ANKRD36B: variants seen among roughly 807,000 people sequenced by gnomAD.
The protein encoded by ANKRD36B is ankyrin repeat domain 36B, also known as ankyrin repeat domain-containing protein 36B.
ANKRD36B carries 37 observed loss-of-function variants against 135.7 expected under a neutral mutation model. The ratio of observed to expected loss-of-function variants is 0.27; its 90% CI spans 0.21 to 0.36. The LOEUF (loss-of-function observed/expected upper bound fraction) is 0.36. ANKRD36B is among the 10% of genes least tolerant of loss of function. The pLI is 1.00. For synonymous variants in ANKRD36B, 179 were observed against 348.1 expected (o/e 0.51, Z 5.41); for missense variants, 549 against 1,037.1 (o/e 0.53, Z 6.46).
chr2:97,559,838 C>T (rs137979803), intron 8 of ANKRD36B, among the ~76,000 whole-genome samples: 10 of 151,958 alleles, frequency 6.6e-5, no homozygotes, highest in East Asian at 5.8e-4. Context: ...AATAGCCTTG[C>T]TGGGAGTATC....
At chr2:97,581,405 C>G (rs1301522945) in intron 3 of ANKRD36B, among the ~76,000 whole-genome samples, 1 of 151,612 alleles carries the variant, frequency 6.6e-6, no homozygotes, top group Non-Finnish European at 1.5e-5. Context: ...TGAAGCCTAT[C>G]TCTTTTTAAT....
In ANKRD36B at chr2:97,551,264, C is replaced by T. The variant is rs1442839989; in HGVS notation, c.1375+25G>A. ...AACTTCTTATCTGGACTGAACATGA[C>T]ATTAAATGTGTTTCGCAAAATTACC... On this transcript the variant is annotated intron_variant, in intron 18 of 43. Coordinates refer to ENST00000359901, the MANE Select transcript of ANKRD36B (RefSeq NM_001393939.1). 5.2e-6 allele frequency: 8 copies of T among 1,542,860 alleles called. No individual in the cohort carries two copies. The African/African-American group carries it at 6.8e-5, about 13-fold the overall frequency.
chr2:97,570,558 C>A (rs1356325189), intron 6 of ANKRD36B, among the ~76,000 whole-genome samples: 1 of 152,122 alleles, frequency 6.6e-6, no homozygotes, highest in Non-Finnish European at 1.5e-5. Context: ...TAACTAGCTT[C>A]CATAAGAACC....
At chr2:97,542,796 GCAT>G (rs1221776699) in intron 26 of ANKRD36B, among the ~76,000 whole-genome samples, 2 of 124,576 alleles carry the variant, frequency 1.6e-5, no homozygotes, top group Middle Eastern at 7.2e-3. Flanking sequence ...TCAATAAAAA[GCAT>G]CATCAATTAT....
intron 6 of ANKRD36B, among the ~76,000 whole-genome samples, chr2:97,573,614 C>T (rs1036450363): frequency 2.6e-5 from 4 of 152,242 alleles, no homozygotes; most frequent in South Asian, 2.1e-4. Flanking sequence ...AAGCTGGAGG[C>T]ATCACGCTAC....
In ANKRD36B at chr2:97,547,807, C is replaced by T. The variant is rs1279249862; in HGVS notation, c.1478-76G>A. On this transcript the variant is annotated intron_variant, in intron 20 of 43. Coordinates refer to ENST00000359901, the MANE Select transcript of ANKRD36B (RefSeq NM_001393939.1). ...TATCCACACATTCACGCAGTGTTAG[C>T]ATCAACCTCTGTCTTCCTGCCTGTA... 6 of 1,520,392 alleles carry T rather than the reference C, an allele frequency of 3.9e-6. No individual in the cohort carries two copies. The African/African-American group carries it at 5.5e-5, about 14-fold the overall frequency. 94.2% of individuals were successfully genotyped at this position (1,520,392 alleles called of 1,614,324 possible). A position where few individuals can be genotyped will look rare whatever the true frequency, so the allele number is the denominator to read the frequency against.
At chr2:97,559,138 T>C in intron 8 of ANKRD36B, 144 bp from the exon 9 acceptor site, 1 of 1,063,928 alleles carries the variant, frequency 9.4e-7, no homozygotes, top group Non-Finnish European at 1.3e-6. Flanking sequence ...GTCTGGAGAC[T>C]GGAACATGAC....
At chr2:97,579,824 T>C (rs1465215950) in intron 4 of ANKRD36B, among the ~76,000 whole-genome samples, 15 of 151,920 alleles carry the variant, frequency 9.9e-5, no homozygotes, top group African/African-American at 3.6e-4. Context: ...CATTCTAACA[T>C]TATATATATA....
At position 97,540,301 on chromosome 2, in the gene ANKRD36B, T is replaced by G. The variant is rs1487608133; in HGVS notation, c.1886-72A>C. 1.5e-5 allele frequency: 13 copies of G among 874,746 alleles called. 4 individuals are homozygous for G. In the South Asian group the frequency reaches 1.6e-4, roughly 11 times the overall value. 54.2% of individuals were successfully genotyped at this position (874,746 alleles called of 1,614,324 possible). A position where few individuals can be genotyped will look rare whatever the true frequency, so the allele number is the denominator to read the frequency against. On this transcript the variant is annotated intron_variant, in intron 28 of 43. Coordinates refer to ENST00000359901, the MANE Select transcript of ANKRD36B (RefSeq NM_001393939.1). ...AAGTTATTCATACATTCATGCAGTG[T>G]TAGCATCAAGCTGTATCCTTCTGCC...
chr2:97,575,420 G>A (rs11687727), intron 6 of ANKRD36B, among the ~76,000 whole-genome samples: 11,287 of 140,184 alleles, frequency 0.081, 1,065 homozygotes, highest in African/African-American at 0.22. Flanking sequence ...CAGTGAACAC[G>A]TCCTACTCCT....
intron 1 of ANKRD36B, 116 bp from the exon 2 acceptor site, chr2:97,585,514 T>C (rs1217730648): frequency 1.4e-6 from 2 of 1,381,802 alleles, no homozygotes; most frequent in Non-Finnish European, 1.9e-6. Context: ...CAACATTTGT[T>C]AGCGCTTATT....
intron 5 of ANKRD36B, among the ~76,000 whole-genome samples, chr2:97,576,699 T>TTCCTGGCTCTTACTGGAAGG (rs2082258895): frequency 6.6e-6 from 1 of 151,290 alleles, no homozygotes; most frequent in South Asian, 2.1e-4. Flanking sequence ...GAAAGTCACC[T>TTCCTGGCTCTTACTGGAAGG]TCCTGGCTCT....
At chr2:97,556,004 T>G (rs1180991691) in intron 12 of ANKRD36B, among the ~76,000 whole-genome samples, 1 of 151,858 alleles carries the variant, frequency 6.6e-6, no homozygotes, top group African/African-American at 2.4e-5. Context: ...ATTAATAAGC[T>G]TTTACATTTG....
intron 35 of ANKRD36B, among the ~76,000 whole-genome samples, chr2:97,528,506 G>C: frequency 1.1e-5 from 1 of 91,454 alleles, no homozygotes; most frequent in Non-Finnish European, 2.9e-5. Flanking sequence ...AGAAAAGCAA[G>C]AGCAAACACA....
chr2:97,556,432 A>G (rs189298004), intron 12 of ANKRD36B, among the ~76,000 whole-genome samples: 22 of 151,952 alleles, frequency 1.4e-4, no homozygotes, highest in Admixed American at 1.3e-3. Flanking sequence ...CCCCAAAATT[A>G]CAGAAATAAC....
At chr2:97,552,383 T>C (rs529670429) in intron 16 of ANKRD36B, among the ~76,000 whole-genome samples, 2 of 152,086 alleles carry the variant, frequency 1.3e-5, no homozygotes, top group African/African-American at 4.8e-5. Flanking sequence ...GAAATAGCTA[T>C]TTTATCCAAG....
chr2:97,564,165 T>TA (rs1046742909), intron 6 of ANKRD36B, among the ~76,000 whole-genome samples: 3 of 150,016 alleles, frequency 2.0e-5, no homozygotes, highest in African/African-American at 4.9e-5. Context: ...TTGCTTTTTT[T>TA]AAAAAAAAAT....
At chr2:97,584,144 A>C (rs2104344680) in intron 3 of ANKRD36B, among the ~76,000 whole-genome samples, 1 of 85,834 alleles carries the variant, frequency 1.2e-5, no homozygotes, top group East Asian at 3.6e-4. Flanking sequence ...GCCAGAATTG[A>C]ATAATGTCCA....
intron 1 of ANKRD36B, among the ~76,000 whole-genome samples, chr2:97,588,323 C>T (rs191301882): frequency 1.3e-5 from 2 of 151,940 alleles, no homozygotes; most frequent in African/African-American, 4.8e-5. Flanking sequence ...TAGATTGGTG[C>T]AAAGGCAATT....
Sources: allele counts gnomAD v4.1 joint callset (sites outside exome capture counted in the v4.1 genomes callset), GRCh38; gene constraint gnomAD v4.1.1; transcripts MANE v1.5; gene names NCBI Gene and HGNC (gene_info 2026-07-23, HGNC 2026-07-21).